Variants in ITPK1 observed in about 807,000 individuals in gnomAD.
The protein encoded by ITPK1 is inositol 1,3,4-trisphosphate 5/6-kinase.
ITPK1 carries 21 observed loss-of-function variants against 45.3 expected under a neutral mutation model. The observed-to-expected ratio is 0.46, with a 90% confidence interval of 0.33 to 0.67. ITPK1 has a LOEUF of 0.67. Ranked by LOEUF, ITPK1 falls within the 30% of genes least tolerant of loss-of-function variation. ITPK1 has a pLI of 0.02. For missense variants in ITPK1, 474 were observed against 573.5 expected (o/e 0.83, Z 1.77); for synonymous variants, 258 against 253.6 (o/e 1.02, Z -0.16).
chr14:92,980,942 A>T (rs1886197526), intron 5 of ITPK1, among the ~76,000 whole-genome samples: 1 of 152,212 alleles, frequency 6.6e-6, no homozygotes, highest in African/African-American at 2.4e-5. Flanking sequence ...TCTTGACCTC[A>T]GGTGATCCAC....
intron 2 of ITPK1, among the ~76,000 whole-genome samples, chr14:93,100,066 C>T (rs1448040353): frequency 6.6e-6 from 1 of 152,196 alleles, no homozygotes; most frequent in Non-Finnish European, 1.5e-5. Context: ...GGAAACAGTG[C>T]CCCTGCAGCA....
rs1373069824 is a variant in ITPK1, at chr14:93,016,295, G to A, written c.246+381C>T. The stretch of plus-strand genomic sequence containing the variant: ...GGACTCAGTTCAAAGGCCCTCGGGG[G>A]TCCCCTTTACCAAGTGCAGCAGAAG... On this transcript the variant is annotated intron_variant, in intron 4 of 10. Transcript: ENST00000267615. The surrounding 1 kb of genome is among the most constrained non-coding windows in gnomAD (Gnocchi z 5.0). Among the ~76,000 whole-genome samples, 2 of 152,202 alleles carry A rather than the reference G, an allele frequency of 1.3e-5. No homozygotes were observed. The highest frequency in any genetic ancestry group is 6.5e-5 in the Admixed American group (1 of 15,284).
In ITPK1 at chr14:92,941,552, G is replaced by C. The variant is rs1325809007; in HGVS notation, c.*9C>G. ...CCCTGCGCTGCCCCTCTGGGTCCCG[G>C]CTCCGTGGCTACTGGGAGGAGGCCT... On this transcript the variant is annotated 3_prime_UTR_variant, in exon 11 of 11. Transcript: ENST00000267615. The C allele has an allele frequency of 6.6e-7, 1 of 1,524,904 alleles. No homozygotes were observed. Among genetic ancestry groups the C allele is most frequent in the East Asian group, 2.5e-5 (1 of 40,162 alleles). 94.5% of individuals were successfully genotyped at this position (1,524,904 alleles called of 1,614,324 possible).
Position 92,940,446 on chromosome 14 carries a change from TG to T in ITPK1, c.*1114del, listed in dbSNP as rs1424727347. On this transcript the variant is annotated 3_prime_UTR_variant, in exon 11 of 11. Transcript: ENST00000267615. ...GTGAGTCTGAGGTGTGCAGAAGCGA[TG>T]GGGGGCGGGTGGCTCCCTGGCACCT... 1.8e-6 allele frequency: 2 copies of T among 1,115,158 alleles called. No individual in the cohort carries two copies. Among genetic ancestry groups the T allele is most frequent in the East Asian group, 8.0e-5 (1 of 12,446 alleles). The allele number at this position is 1,115,158 out of a possible 1,614,324, so 69.1% of individuals were successfully genotyped here.
intron 3 of ITPK1, chr14:93,066,198 C>A (rs1009158305): frequency 2.2e-6 from 1 of 454,348 alleles, no homozygotes; most frequent in Non-Finnish European, 4.4e-6. Context: ...GTAGACACAG[C>A]GCACATCAGG....
chr14:93,033,693 G>A (rs1889173974), intron 3 of ITPK1, among the ~76,000 whole-genome samples: 1 of 152,216 alleles, frequency 6.6e-6, no homozygotes, highest in Non-Finnish European at 1.5e-5. Context: ...AGAGGAGAAA[G>A]AGGCGCTAGA....
At position 92,973,267 on chromosome 14, in the gene ITPK1, T is replaced by A. The variant is rs148407763; in HGVS notation, c.365-10418A>T. On this transcript the variant is annotated intron_variant, in intron 5 of 10. Coordinates refer to ENST00000267615, the MANE Select transcript of ITPK1 (RefSeq NM_014216.6). Reference sequence around the variant, plus strand: ...AAGGCAGGCCTCAGTAAGAACCATCTCTCTGGCACATGTGCACGTGTGAAG... The same window carrying A: ...AAGGCAGGCCTCAGTAAGAACCATCACTCTGGCACATGTGCACGTGTGAAG... Among the ~76,000 whole-genome samples the A allele has an allele frequency of 1.9e-3, 295 of 152,338 alleles. 2 individuals are homozygous for A. Among genetic ancestry groups the A allele is most frequent in the African/African-American group, 6.7e-3 (278 of 41,568 alleles).
chr14:92,997,712 A>G (rs1275318832), intron 4 of ITPK1, among the ~76,000 whole-genome samples: 1 of 152,224 alleles, frequency 6.6e-6, no homozygotes, highest in East Asian at 1.9e-4. Context: ...GTTCCCTCGC[A>G]GGGCCTGCCA....
intron 4 of ITPK1, among the ~76,000 whole-genome samples, chr14:92,999,908 G>T (rs767365763): frequency 3.3e-5 from 5 of 152,142 alleles, no homozygotes; most frequent in Non-Finnish European, 7.4e-5. Context: ...TTCACTCTCA[G>T]CCCCAAGTCC....
chr14:92,991,133 T>C (rs570663575), intron 5 of ITPK1, among the ~76,000 whole-genome samples: 1 of 152,238 alleles, frequency 6.6e-6, no homozygotes, highest in East Asian at 1.9e-4. Context: ...CAAGGGTAAT[T>C]ATGGCCATTT....
rs1377021865 is a variant in ITPK1 at position 92,940,653 on chromosome 14, C to G, written c.*908G>C. 4 of 1,250,428 alleles carry G rather than the reference C, an allele frequency of 3.2e-6. No individual in the cohort carries two copies. Among genetic ancestry groups the G allele is most frequent in the Non-Finnish European group, 4.1e-6 (4 of 969,500 alleles). The allele number at this position is 1,250,428 out of a possible 1,614,324, so 77.5% of individuals were successfully genotyped here. A position where few individuals can be genotyped will look rare whatever the true frequency, so the allele number is the denominator to read the frequency against. ...GACTTTATGGAAAGGCAGGCTGCAT[C>G]CCAGGGGTTAGGGCACAAAGCCAGC... On this transcript the variant is annotated 3_prime_UTR_variant, in exon 11 of 11. Transcript: ENST00000267615.
chr14:93,018,367 A>C (rs1888295738), intron 3 of ITPK1, among the ~76,000 whole-genome samples: 1 of 151,980 alleles, frequency 6.6e-6, no homozygotes, highest in African/African-American at 2.4e-5. Flanking sequence ...GCACCGGGGA[A>C]CTTTGTCCTG....
intron 5 of ITPK1, among the ~76,000 whole-genome samples, chr14:92,970,381 C>G (rs758979421): frequency 6.6e-6 from 1 of 152,210 alleles, no homozygotes; most frequent in Non-Finnish European, 1.5e-5. Flanking sequence ...GGGGGATGCC[C>G]TCAGGGGAGG....
Position 93,115,269 on chromosome 14 carries a change from G to T in ITPK1, c.-106C>A. On this transcript the variant is annotated 5_prime_UTR_variant, in exon 2 of 11. Transcript: ENST00000267615. ...AGTGGGCACCTCCTCCCGGCGGCGG[G>T]GACGCGGAACGGGGATCGGAGCTGG... 1 of 707,506 alleles carries T rather than the reference G, an allele frequency of 1.4e-6. No individual in the cohort carries two copies. The highest frequency in any genetic ancestry group is 1.7e-5 in the South Asian group (1 of 60,136). 43.8% of individuals were successfully genotyped at this position (707,506 alleles called of 1,614,324 possible).
intron 2 of ITPK1, among the ~76,000 whole-genome samples, chr14:93,097,595 G>T (rs1892132549): frequency 6.6e-6 from 1 of 152,198 alleles, no homozygotes; most frequent in Non-Finnish European, 1.5e-5. Context: ...TTTAGGATGG[G>T]TTGTTATGCA....
Position 93,063,539 on chromosome 14 carries a change from C to T in ITPK1, c.120+13056G>A, listed in dbSNP as rs1176059451. 1.1e-4 allele frequency among the ~76,000 whole-genome samples: 17 copies of T among 152,220 alleles called. No individual in the cohort carries two copies. On this transcript the variant is annotated intron_variant, in intron 3 of 10. Transcript: ENST00000267615. The surrounding 1 kb of genome is among the most constrained non-coding windows in gnomAD (Gnocchi z 4.3). ...AGAAGGCCTTCTCACTTGCCCTCCC[C>T]TCGTCTCAATCATCCATCTCATCAC...
chr14:93,112,362 G>A (rs191153906), intron 2 of ITPK1, among the ~76,000 whole-genome samples: 3 of 151,944 alleles, frequency 2.0e-5, no homozygotes, highest in Admixed American at 2.0e-4. Flanking sequence ...TTACAAGGCC[G>A]GACATTCAGC....
rs769291416 is a variant in ITPK1 at position 92,993,868 on chromosome 14, A to C, written c.364+12T>G. ...CTGCCTGCCACGGATGTGGTGCCAC[A>C]CGTGTCCCTACCTTCCATGTAGGCC... On this transcript the variant is annotated intron_variant, in intron 5 of 10. Transcript: ENST00000267615. 2.6e-6 allele frequency: 4 copies of C among 1,547,724 alleles called. No homozygotes were observed. Among genetic ancestry groups the C allele is most frequent in the Non-Finnish European group, 3.6e-6 (4 of 1,119,576 alleles).
At chr14:92,999,184 G>A (rs1307085377) in intron 4 of ITPK1, among the ~76,000 whole-genome samples, 3 of 152,216 alleles carry the variant, frequency 2.0e-5, no homozygotes, top group Non-Finnish European at 2.9e-5. Context: ...GAGGCCCAGG[G>A]GCCCGGACTG....
Sources: allele counts gnomAD v4.1 joint callset (sites outside exome capture counted in the v4.1 genomes callset), GRCh38; gene constraint gnomAD v4.1.1; non-coding constraint Gnocchi (gnomAD v3.1); transcripts MANE v1.5; gene names NCBI Gene and HGNC (gene_info 2026-07-23, HGNC 2026-07-21).